Variants in TNFRSF19 observed in about 807,000 individuals in gnomAD.
TNFRSF19 encodes the protein tumor necrosis factor receptor superfamily member 19.
A neutral mutation model predicts 46.4 loss-of-function variants in TNFRSF19; 27 were observed. The observed-to-expected ratio is 0.58, with a 90% CI of 0.43 to 0.80. The LOEUF is 0.80. Among genes scored for constraint, TNFRSF19 ranks in the 30% least tolerant of loss-of-function variants. The probability of loss-of-function intolerance (pLI) is 0.00; values close to 1 mark genes in which losing one functional copy is unlikely to be tolerated. For missense variants in TNFRSF19, 511 were observed against 530.8 expected (o/e 0.96, Z 0.37); for synonymous variants, 204 against 205.0 (o/e 1.00, Z 0.04).
intron 1 of TNFRSF19, among the ~76,000 whole-genome samples, chr13:23,580,930 A>T (rs1316423611): frequency 6.6e-6 from 1 of 152,218 alleles, no homozygotes; most frequent in Non-Finnish European, 1.5e-5. Context: ...GACTTTAGGA[A>T]ACTTTTTTCC....
At chr13:23,633,256 G>A (rs1212264400) in intron 5 of TNFRSF19, among the ~76,000 whole-genome samples, 1 of 152,144 alleles carries the variant, frequency 6.6e-6, no homozygotes, top group African/African-American at 2.4e-5. Context: ...GGGCCCACAG[G>A]TACATGCCAG....
chr13:23,611,798 G>A (rs770213762), intron 3 of TNFRSF19, among the ~76,000 whole-genome samples: 2 of 152,154 alleles, frequency 1.3e-5, no homozygotes, highest in Non-Finnish European at 2.9e-5. Flanking sequence ...AATGCAGTGG[G>A]CCAAACCTAA....
At chr13:23,583,651 G>C (rs1878621517) in intron 1 of TNFRSF19, among the ~76,000 whole-genome samples, 1 of 152,176 alleles carries the variant, frequency 6.6e-6, no homozygotes, top group Non-Finnish European at 1.5e-5. Context: ...GCTTGGATTG[G>C]TCACATATGT....
At chr13:23,616,475 C>T (rs1881301040) in intron 4 of TNFRSF19, among the ~76,000 whole-genome samples, 1 of 152,204 alleles carries the variant, frequency 6.6e-6, no homozygotes, top group Non-Finnish European at 1.5e-5. Context: ...GCCCAACCAC[C>T]TTAGGCATTG....
intron 9 of TNFRSF19, among the ~76,000 whole-genome samples, chr13:23,670,198 T>C (rs1335342068): frequency 1.3e-5 from 2 of 152,254 alleles, no homozygotes; most frequent in African/African-American, 4.8e-5. Context: ...TTTTTGTTTT[T>C]GGTTTTTGGG....
At chr13:23,669,463 T>C in intron 9 of TNFRSF19, 6 of 982,360 alleles carry the variant, frequency 6.1e-6, no homozygotes, top group Middle Eastern at 5.3e-4. Flanking sequence ...ATTATATATA[T>C]ATTACTTATG....
chr13:23,572,464 G>A (rs1877694035), intron 1 of TNFRSF19, among the ~76,000 whole-genome samples: 2 of 152,136 alleles, frequency 1.3e-5, no homozygotes, highest in Non-Finnish European at 2.9e-5. Context: ...TAGTGTGTCT[G>A]AAACTTGCTC....
chr13:23,641,940 C>G (rs1338367005), intron 5 of TNFRSF19, among the ~76,000 whole-genome samples: 2 of 152,192 alleles, frequency 1.3e-5, no homozygotes, highest in Non-Finnish European at 2.9e-5. Flanking sequence ...TACACTTGGG[C>G]AAAGTCATCT....
chr13:23,669,234 T>C, intron 9 of TNFRSF19, 137 bp downstream of exon 9: 1 of 1,411,674 alleles, frequency 7.1e-7, no homozygotes, highest in Non-Finnish European at 9.2e-7. Flanking sequence ...TGTTGTAGAG[T>C]ATGTTTTAAA....
At chr13:23,668,130 A>G in intron 8 of TNFRSF19, 48 bp downstream of exon 8, 1 of 1,453,088 alleles carries the variant, frequency 6.9e-7, no homozygotes, top group Admixed American at 2.2e-5. Flanking sequence ...CTGTGCAAAT[A>G]TGCATTCTAC....
rs1881897259 is a variant in TNFRSF19, at chr13:23,624,944, G to A, written c.360-1763G>A. ...TTTTTGTATTTTTCATAGAGACGGG[G>A]TTTCACCATTTTGGCCAGGCTGGTC... On this transcript the variant is annotated intron_variant, in intron 4 of 9. Transcript: ENST00000248484. Among the ~76,000 whole-genome samples, 3 of 151,944 alleles carry A rather than the reference G, an allele frequency of 2.0e-5. 1 individual carries two copies. Among genetic ancestry groups the A allele is most frequent in the Middle Eastern group, 6.8e-3 (2 of 294 alleles).
chr13:23,592,963 A>C (rs939467078), intron 2 of TNFRSF19, among the ~76,000 whole-genome samples: 3 of 149,628 alleles, frequency 2.0e-5, no homozygotes, highest in Non-Finnish European at 3.0e-5. Flanking sequence ...ACCTTGGGTC[A>C]TATATCAAAG....
intron 3 of TNFRSF19, among the ~76,000 whole-genome samples, chr13:23,594,072 G>A (rs917986830): frequency 1.1e-4 from 16 of 152,138 alleles, no homozygotes; most frequent in Admixed American, 5.9e-4. Flanking sequence ...ACTCCAACCC[G>A]GATACTACGC....
At chr13:23,647,009 G>A (rs1369989940) in intron 5 of TNFRSF19, among the ~76,000 whole-genome samples, 1 of 152,168 alleles carries the variant, frequency 6.6e-6, no homozygotes, top group Non-Finnish European at 1.5e-5. Context: ...ATCTCATCAT[G>A]TCTGGATTTA....
chr13:23,611,063 A>G (rs1200871536), intron 3 of TNFRSF19, among the ~76,000 whole-genome samples: 2 of 152,018 alleles, frequency 1.3e-5, no homozygotes, highest in Non-Finnish European at 1.5e-5. Context: ...GCCCAGGCTA[A>G]AGATGGACAT....
rs1593241486 is a variant in TNFRSF19 at position 23,595,859 on chromosome 13, A to ACTT, written c.180+2404_180+2405insCTT. 2.0e-5 allele frequency among the ~76,000 whole-genome samples: 3 copies of ACTT among 152,348 alleles called. No homozygotes were observed. The East Asian group carries it at 5.8e-4, about 29-fold the overall frequency. ...GAAAAAATGTTAAGGGCAGCCAGAG[A>ACTT]GAAAGGTCAGGTTACCCACAAAGGG... is the stretch of plus-strand genomic sequence containing the variant. On this transcript the variant is annotated intron_variant, in intron 3 of 9. Coordinates refer to ENST00000248484, the MANE Select transcript of TNFRSF19 (RefSeq NM_148957.4).
At chr13:23,653,852 C>A (rs1013040021) in intron 5 of TNFRSF19, among the ~76,000 whole-genome samples, 3 of 152,196 alleles carry the variant, frequency 2.0e-5, no homozygotes, top group African/African-American at 7.2e-5. Flanking sequence ...ATGCTCATTT[C>A]TGCAGGGAGA....
In TNFRSF19 at chr13:23,671,290, C is replaced by T. The variant is rs566231335; in HGVS notation, c.1246-2082C>T. ...AACTGAACCTGATGAGAAAATATTA[C>T]ACTCAAGTTGCACAGTATAATAATT... On this transcript the variant is annotated intron_variant, in intron 9 of 9. Transcript: ENST00000248484. Among the ~76,000 whole-genome samples, 5 of 152,236 alleles carry T rather than the reference C, an allele frequency of 3.3e-5. No homozygotes were observed. The South Asian group carries it at 1.0e-3, about 32-fold the overall frequency.
At chr13:23,632,489 A>G (rs9553022) in intron 5 of TNFRSF19, among the ~76,000 whole-genome samples, 71,559 of 152,054 alleles carry the variant, frequency 0.47, 18,769 homozygotes, top group Non-Finnish European at 0.59. Flanking sequence ...GATTCCCTCC[A>G]TTGTTCACCC....
Sources: gnomAD v4.1 joint callset for allele counts (sites outside exome capture counted in the v4.1 genomes callset) on GRCh38, gnomAD v4.1.1 for gene constraint, MANE v1.5 for transcripts, NCBI Gene and HGNC (gene_info 2026-07-23, HGNC 2026-07-21) for gene names.